Variants in CNOT4 observed in about 807,000 individuals in gnomAD.
The protein encoded by CNOT4 is CCR4-associated factor 4.
A neutral mutation model predicts 73.8 loss-of-function variants in CNOT4; 8 were observed. The ratio of observed to expected loss-of-function variants is 0.11; its 90% CI spans 0.06 to 0.20. The LOEUF (loss-of-function observed/expected upper bound fraction) is 0.20, where lower values mean the gene tolerates loss of function less well. Ranked by LOEUF, CNOT4 falls within the 10% of genes least tolerant of loss-of-function variation. The probability of loss-of-function intolerance (pLI) is 1.00; values close to 1 mark genes in which losing one functional copy is unlikely to be tolerated. For synonymous variants in CNOT4, 293 were observed against 321.1 expected, an observed-to-expected ratio of 0.91 and a Z score of 0.94; for missense variants, 564 against 883.4, an observed-to-expected ratio of 0.64 and a Z score of 4.58.
chr7:135,449,557 C>G (rs1261635941), intron 1 of CNOT4, among the ~76,000 whole-genome samples: 2 of 152,000 alleles, frequency 1.3e-5, no homozygotes, highest in Non-Finnish European at 2.9e-5. Flanking sequence ...TAAAGGAAGC[C>G]ATAAAGAAAG....
intron 1 of CNOT4, among the ~76,000 whole-genome samples, chr7:135,501,409 A>T (rs1459501334): frequency 6.6e-6 from 1 of 152,146 alleles, no homozygotes; most frequent in African/African-American, 2.4e-5. Context: ...TCAGTTCTCT[A>T]CTCTTCAAAA....
intron 1 of CNOT4, among the ~76,000 whole-genome samples, chr7:135,468,016 C>A (rs1036561356): frequency 6.6e-6 from 1 of 151,568 alleles, no homozygotes; most frequent in African/African-American, 2.4e-5. Context: ...AAGATTGAGA[C>A]CATCCTGGCT....
chr7:135,404,138 G>T (rs1183255523), intron 7 of CNOT4, among the ~76,000 whole-genome samples: 2 of 152,156 alleles, frequency 1.3e-5, no homozygotes, highest in Admixed American at 6.6e-5. Flanking sequence ...ATGCACATGT[G>T]CACTAACTCT....
chr7:135,387,614 G>C, intron 10 of CNOT4: 1 of 980,296 alleles, frequency 1.0e-6, no homozygotes, highest in Non-Finnish European at 1.2e-6. Flanking sequence ...CTCAAGAGGA[G>C]GTGTGACTTT....
chr7:135,403,452 T>C (rs975845009), intron 7 of CNOT4, among the ~76,000 whole-genome samples: 1 of 152,220 alleles, frequency 6.6e-6, no homozygotes, highest in African/African-American at 2.4e-5. Context: ...GTGGCATAAT[T>C]AGCTATTAAC....
chr7:135,496,935 T>C (rs1457180652), intron 1 of CNOT4, among the ~76,000 whole-genome samples: 1 of 151,976 alleles, frequency 6.6e-6, no homozygotes, highest in African/African-American at 2.4e-5. Flanking sequence ...AACTCCCAAG[T>C]AGCTGGGACT....
At chr7:135,382,737 A>G (rs1795918865) in intron 10 of CNOT4, among the ~76,000 whole-genome samples, 1 of 152,238 alleles carries the variant, frequency 6.6e-6, no homozygotes, top group South Asian at 2.1e-4. Flanking sequence ...AACTATTTAC[A>G]TAGCACTTAC....
chr7:135,492,506 A>C (rs115394768), intron 1 of CNOT4, among the ~76,000 whole-genome samples: 23 of 152,218 alleles, frequency 1.5e-4, no homozygotes, highest in Admixed American at 1.5e-3. Flanking sequence ...GAATCAGTGG[A>C]CTGACAGTTT....
At chr7:135,437,531 A>G (rs1006133148) in intron 2 of CNOT4, among the ~76,000 whole-genome samples, 1 of 152,210 alleles carries the variant, frequency 6.6e-6, no homozygotes, top group Non-Finnish European at 1.5e-5. Context: ...AACAGACTAT[A>G]GACTCAAAAG....
chr7:135,363,029 C>T lies in CNOT4; in HGVS notation c.1998G>A (p.Leu666=), dbSNP rs1242253700. The part of the protein sequence containing the change: ...HSAPFSTQIP[L]HRASWNPYPP... ...GGTAGGGATTCCAACTGGCTCTGTG[C>T]AGCGGGATCTGTGTGCTGAAGGGGG... Residue 666 remains leucine, a synonymous_variant, in exon 12 of 12, where the codon CTG becomes CTA. Transcript: ENST00000541284. This position sits in a 1 kb window ranked among gnomAD's most constrained non-coding sequence, Gnocchi z 4.3. The T allele has an allele frequency of 1.2e-6, 2 of 1,613,012 alleles. No homozygotes were observed. Among genetic ancestry groups the T allele is most frequent in the South Asian group, 2.2e-5 (2 of 90,964 alleles).
intron 1 of CNOT4, among the ~76,000 whole-genome samples, chr7:135,460,036 C>T (rs1335529343): frequency 6.6e-6 from 1 of 152,216 alleles, no homozygotes; most frequent in African/African-American, 2.4e-5. Context: ...AAGTTTTCTT[C>T]TGTAGCTTTC....
chr7:135,494,514 AC>A (rs1803331336), intron 1 of CNOT4, among the ~76,000 whole-genome samples: 1 of 149,774 alleles, frequency 6.7e-6, no homozygotes, highest in African/African-American at 2.5e-5. Flanking sequence ...CACTTTGAAC[AC>A]TTTTCTCCAT....
intron 10 of CNOT4, chr7:135,387,181 G>A: frequency 3.1e-6 from 3 of 982,516 alleles, no homozygotes; most frequent in Non-Finnish European, 3.6e-6. Context: ...GTATTTTATT[G>A]GCATTTTCCA....
At chr7:135,396,107 CTTTTTTTTTT>C (rs71174519) in intron 8 of CNOT4, among the ~76,000 whole-genome samples, 8 of 95,434 alleles carry the variant, frequency 8.4e-5, no homozygotes, top group East Asian at 2.6e-4. Flanking sequence ...ACTAGTCTCC[CTTTTTTTTTT>C]TTTTTTTTTT....
chr7:135,381,566 G>A (rs1795847657), intron 10 of CNOT4, among the ~76,000 whole-genome samples: 2 of 152,080 alleles, frequency 1.3e-5, no homozygotes, highest in Non-Finnish European at 1.5e-5. Context: ...GCAGAAATAC[G>A]GAATATTTAA....
chr7:135,490,285 C>T (rs1054013508), intron 1 of CNOT4, among the ~76,000 whole-genome samples: 4 of 152,092 alleles, frequency 2.6e-5, no homozygotes, highest in Non-Finnish European at 4.4e-5. Context: ...TGAAGGGTTT[C>T]GAGTAGAAAA....
chr7:135,490,999 G>A (rs113886371), intron 1 of CNOT4, among the ~76,000 whole-genome samples: 1 of 152,220 alleles, frequency 6.6e-6, no homozygotes, highest in Non-Finnish European at 1.5e-5. Flanking sequence ...TGGATAAGAA[G>A]ATAAGACAGC....
intron 1 of CNOT4, among the ~76,000 whole-genome samples, chr7:135,468,523 A>G (rs1801369035): frequency 6.6e-6 from 1 of 152,026 alleles, no homozygotes; most frequent in South Asian, 2.1e-4. Context: ...TCTACTAAAA[A>G]TACAAAAGTT....
chr7:135,419,290 A>G (rs1798044142), intron 3 of CNOT4, among the ~76,000 whole-genome samples: 1 of 152,200 alleles, frequency 6.6e-6, no homozygotes, highest in Non-Finnish European at 1.5e-5. Flanking sequence ...CAAATATCAA[A>G]TTGTTCATCA....
Sources: gnomAD v4.1 joint callset for allele counts (sites outside exome capture counted in the v4.1 genomes callset) on GRCh38, gnomAD v4.1.1 for gene constraint, Gnocchi (gnomAD v3.1) non-coding constraint, MANE v1.5 for transcripts, NCBI Gene and HGNC (gene_info 2026-07-23, HGNC 2026-07-21) for gene names.